The following TMEM40 variants were observed in gnomAD, a reference collection of about 807,000 sequenced individuals.
TMEM40 encodes the protein transmembrane protein 40.
Under a neutral mutation model 40.8 loss-of-function variants are expected in TMEM40, and 34 were observed. That is an observed-to-expected ratio of 0.83 (90% CI 0.63 to 1.11). The LOEUF (loss-of-function observed/expected upper bound fraction) is 1.11. Among genes scored for constraint, TMEM40 ranks in the 50% least tolerant of loss-of-function variants. TMEM40 has a pLI of 0.00. For synonymous variants in TMEM40, 106 were observed against 107.0 expected (o/e 0.99, Z 0.06); for missense variants, 296 against 280.2 (o/e 1.06, Z -0.40).
intron 1 of TMEM40, among the ~76,000 whole-genome samples, chr3:12,758,421 G>A (rs1405813954): frequency 6.6e-6 from 1 of 152,196 alleles, no homozygotes; most frequent in Non-Finnish European, 1.5e-5. Context: ...AAACTAGGTT[G>A]GCTTGAGGCC....
chr3:12,752,229 C>T (rs1284436236), intron 1 of TMEM40, among the ~76,000 whole-genome samples: 1 of 152,166 alleles, frequency 6.6e-6, no homozygotes, highest in Non-Finnish European at 1.5e-5. Context: ...GGTAGGACTA[C>T]AAGCATGTAC....
At chr3:12,741,833 G>A (rs371941379) in intron 5 of TMEM40, among the ~76,000 whole-genome samples, 8 of 151,892 alleles carry the variant, frequency 5.3e-5, no homozygotes, top group East Asian at 1.9e-4. Flanking sequence ...AGTGGCTCAC[G>A]CCTGTAATTC....
intron 2 of TMEM40, 31 bp from the exon 3 acceptor site, chr3:12,748,823 C>T: frequency 5.6e-6 from 9 of 1,604,266 alleles, no homozygotes; most frequent in South Asian, 2.2e-5. Flanking sequence ...AGGGGATGAG[C>T]GTTTCCCACC....
In TMEM40 at chr3:12,734,639, A is replaced by G; in HGVS notation, c.*135T>C. On this transcript the variant is annotated 3_prime_UTR_variant, in exon 12 of 12. Transcript: ENST00000314124. Reference sequence around the variant, plus strand: ...GGTGCCAACATTCAGACCACATGGAAGGAAAAGTGTTCTGTTTATTGGTCT... The same window carrying G: ...GGTGCCAACATTCAGACCACATGGAGGGAAAAGTGTTCTGTTTATTGGTCT... 1 of 1,047,016 alleles carries G rather than the reference A, an allele frequency of 9.6e-7. No homozygotes were observed. Among genetic ancestry groups the G allele is most frequent in the Non-Finnish European group, 1.4e-6 (1 of 713,958 alleles). The allele number at this position is 1,047,016 out of a possible 1,614,324, so 64.9% of individuals were successfully genotyped here. A position where few individuals can be genotyped will look rare whatever the true frequency, so the allele number is the denominator to read the frequency against.
intron 1 of TMEM40, among the ~76,000 whole-genome samples, chr3:12,768,748 G>C (rs562354235): frequency 6.6e-6 from 1 of 152,058 alleles, no homozygotes; most frequent in Admixed American, 6.5e-5. Context: ...ATCCCGCACC[G>C]GGGGCCGCAG....
chr3:12,747,970 A>G (rs1454612640), intron 3 of TMEM40, among the ~76,000 whole-genome samples: 1 of 151,806 alleles, frequency 6.6e-6, no homozygotes, highest in African/African-American at 2.4e-5. Context: ...TAAACCCACT[A>G]AAGTACTTGC....
At chr3:12,741,417 G>A (rs918691526) in intron 5 of TMEM40, 8 of 152,168 alleles carry the variant, frequency 5.3e-5, no homozygotes, top group Non-Finnish European at 8.8e-5. Context: ...AACACCACAA[G>A]AGGCACTTAG....
intron 3 of TMEM40, among the ~76,000 whole-genome samples, chr3:12,747,175 T>C (rs1340389333): frequency 1.3e-5 from 2 of 151,480 alleles, no homozygotes; most frequent in Admixed American, 1.3e-4. Context: ...CATGAGGACA[T>C]AAGACCAGAG....
At chr3:12,761,890 T>C (rs551524582), upstream of TMEM40, among the ~76,000 whole-genome samples, 110 of 152,314 alleles carry the variant, frequency 7.2e-4, 4 homozygotes, top group South Asian at 0.021. Context: ...TGTATGTATA[T>C]ATATACAACA....
At chr3:12,740,213 G>A (rs2061370774) in intron 5 of TMEM40, among the ~76,000 whole-genome samples, 1 of 150,936 alleles carries the variant, frequency 6.6e-6, no homozygotes, top group African/African-American at 2.4e-5. Flanking sequence ...CCTGCCTCAG[G>A]CTCCTGAGTA....
At chr3:12,768,991 T>C (rs1218295791) in intron 1 of TMEM40, among the ~76,000 whole-genome samples, 1 of 150,972 alleles carries the variant, frequency 6.6e-6, no homozygotes, top group Non-Finnish European at 1.5e-5. Context: ...CAAGGCGCAC[T>C]GCAGGTCCTG....
At chr3:12,746,480 T>C (rs891003345) in intron 3 of TMEM40, among the ~76,000 whole-genome samples, 2 of 152,190 alleles carry the variant, frequency 1.3e-5, no homozygotes, top group African/African-American at 4.8e-5. Flanking sequence ...CAAAACTGCA[T>C]CTAAAATTAA....
intron 3 of TMEM40, among the ~76,000 whole-genome samples, chr3:12,744,766 C>T (rs1052628778): frequency 1.3e-5 from 2 of 152,156 alleles, no homozygotes; most frequent in Non-Finnish European, 2.9e-5. Flanking sequence ...AAGACAGGAC[C>T]GTGGGGACCT....
At chr3:12,743,468 C>G (rs943368487) in intron 4 of TMEM40, among the ~76,000 whole-genome samples, 9 of 151,496 alleles carry the variant, frequency 5.9e-5, no homozygotes, top group Admixed American at 5.3e-4. Flanking sequence ...ACCCTGTCTC[C>G]AAAAAATAAA....
intron 8 of TMEM40, 134 bp from the exon 9 acceptor site, chr3:12,736,969 C>T (rs2061342766): frequency 8.8e-7 from 1 of 1,142,010 alleles, no homozygotes; most frequent in Non-Finnish European, 1.3e-6. Context: ...GCCTTGAAGT[C>T]CTGGGCTTAA....
chr3:12,765,980 C>T (rs1171796071), intron 1 of TMEM40, among the ~76,000 whole-genome samples: 2 of 152,124 alleles, frequency 1.3e-5, no homozygotes, highest in Non-Finnish European at 2.9e-5. Flanking sequence ...CCTTAGACTA[C>T]TGAGTAGCTG....
chr3:12,737,742 G>T lies in TMEM40; in HGVS notation c.437C>A (p.Ala146Asp), dbSNP rs770270888. The stretch of plus-strand genomic sequence containing the variant: ...TATATTCAGTCTTCTTAACTGAGAG[G>T]CCTCCACTTCTCCTTAAGAACAAGA... ...GSDPASGEVE[A>D]SQLRRLNIKK... is the part of the protein sequence containing the mutation. The change falls in exon 8 of 12, where the codon GCC becomes GAC. Residue 146 changes from alanine (A) to aspartate (D), a missense_variant. Ala to Asp is a moderately radical substitution (Grantham distance 126). Coordinates refer to ENST00000314124, the MANE Select transcript of TMEM40 (RefSeq NM_018306.4). The T allele has an allele frequency of 2.5e-6, 4 of 1,613,932 alleles. No homozygotes were observed. The highest frequency in any genetic ancestry group is 3.3e-5 in the Admixed American group (2 of 60,016).
intron 1 of TMEM40, among the ~76,000 whole-genome samples, chr3:12,766,126 C>T (rs989174022): frequency 6.6e-6 from 1 of 151,936 alleles, no homozygotes. Flanking sequence ...TCCCAAAGTG[C>T]TGGGATTACA....
intron 4 of TMEM40, 101 bp downstream of exon 4, chr3:12,743,799 T>C: frequency 8.9e-7 from 1 of 1,129,646 alleles, no homozygotes; most frequent in African/African-American, 1.5e-5. Flanking sequence ...TATTTTATCC[T>C]GCCATAAACA....
Sources: gnomAD v4.1 joint callset for allele counts (sites outside exome capture counted in the v4.1 genomes callset) on GRCh38, gnomAD v4.1.1 for gene constraint, MANE v1.5 for transcripts, NCBI Gene and HGNC (gene_info 2026-07-23, HGNC 2026-07-21) for gene names.